The following C12orf56 variants were observed in gnomAD, a reference collection of about 807,000 sequenced individuals.
C12orf56 encodes the protein uncharacterized protein C12orf56.
A neutral mutation model predicts 69.9 loss-of-function variants in C12orf56; 71 were observed. That is an observed-to-expected ratio of 1.02 (90% confidence interval 0.84 to 1.24). C12orf56 has a LOEUF of 1.24. C12orf56 is among the 50% of genes most tolerant of loss of function. C12orf56 has a pLI of 0.00. For missense variants in C12orf56, 732 were observed against 738.5 expected (o/e 0.99, Z 0.10); for synonymous variants, 276 against 274.1 (o/e 1.01, Z -0.07).
intron 5 of C12orf56, among the ~76,000 whole-genome samples, chr12:64,308,971 G>T (rs866055963): frequency 9.3e-4 from 53 of 56,770 alleles, no homozygotes; most frequent in African/African-American, 3.3e-3. Context: ...AAGAAAGAAA[G>T]AAAAGAAAGA....
chr12:64,379,442 G>A (rs1053152513), intron 1 of C12orf56, among the ~76,000 whole-genome samples: 3 of 151,788 alleles, frequency 2.0e-5, no homozygotes, highest in Non-Finnish European at 2.9e-5. Context: ...CCGCCACCAT[G>A]CCCGGCTATT....
At chr12:64,311,753 G>A (rs572038135) in intron 5 of C12orf56, among the ~76,000 whole-genome samples, 11 of 152,294 alleles carry the variant, frequency 7.2e-5, no homozygotes, top group Middle Eastern at 3.4e-3. Flanking sequence ...TTTTTTGTAC[G>A]CTGTTTAGAC....
intron 8 of C12orf56, among the ~76,000 whole-genome samples, chr12:64,278,703 T>G (rs962500890): frequency 1.3e-5 from 2 of 152,186 alleles, no homozygotes; most frequent in Non-Finnish European, 2.9e-5. Flanking sequence ...AACTTCTTCC[T>G]CCTGTCTAAC....
chr12:64,370,019 A>G (rs1449286449), intron 1 of C12orf56, among the ~76,000 whole-genome samples: 3 of 151,262 alleles, frequency 2.0e-5, no homozygotes, highest in South Asian at 2.1e-4. Flanking sequence ...TAATAATCCA[A>G]ACTAGAGTGT....
chr12:64,355,514 T>C (rs1189291380), intron 1 of C12orf56, among the ~76,000 whole-genome samples: 1 of 152,172 alleles, frequency 6.6e-6, no homozygotes, highest in African/African-American at 2.4e-5. Context: ...TGTAAATTTG[T>C]GCTCAATATA....
intron 2 of C12orf56, among the ~76,000 whole-genome samples, chr12:64,333,440 AAAC>A (rs2136869291): frequency 6.6e-6 from 1 of 152,196 alleles, no homozygotes; most frequent in African/African-American, 2.4e-5. Context: ...GGAAAAAAAA[AAAC>A]AACTTTAGTG....
chr12:64,284,513 C>CA, intron 8 of C12orf56, 151 bp downstream of exon 8: 1 of 531,124 alleles, frequency 1.9e-6, no homozygotes, highest in South Asian at 3.4e-5. Context: ...ACCTGTTCAT[C>CA]ATGGAAGGAA....
rs1047523045 is a variant in C12orf56, at chr12:64,265,498, A to G, written c.*1685T>C. On this transcript the variant is annotated 3_prime_UTR_variant, in exon 13 of 13. Coordinates refer to ENST00000543942, the MANE Select transcript of C12orf56 (RefSeq NM_001170633.2). ...GTTAAATGTCTTGTCACAGGCAGAG[A>G]ATGTAAGAGCTGGAAGAGAACTTGG... 2 of 152,244 alleles carry G rather than the reference A, an allele frequency of 1.3e-5. No individual in the cohort carries two copies. The highest frequency in any genetic ancestry group is 2.9e-5 in the Non-Finnish European group (2 of 68,070). 9.4% of individuals were successfully genotyped at this position (152,244 alleles called of 1,614,324 possible). A position where few individuals can be genotyped will look rare whatever the true frequency, so the allele number is the denominator to read the frequency against.
At chr12:64,307,561 GT>G (rs2038532060) in intron 5 of C12orf56, among the ~76,000 whole-genome samples, 4 of 151,776 alleles carry the variant, frequency 2.6e-5, no homozygotes, top group South Asian at 2.1e-4. Context: ...TAGAGACAGG[GT>G]TTCACCATGT....
At position 64,328,732 on chromosome 12, in the gene C12orf56, T is replaced by TATAGATATAG. The variant is rs1555190212; in HGVS notation, c.488+2227_488+2228insCTATATCTAT. 2.1e-4 allele frequency among the ~76,000 whole-genome samples: 23 copies of TATAGATATAG among 107,186 alleles called. 1 individual carries two copies. The highest frequency in any genetic ancestry group is 7.6e-4 in the African/African-American group (23 of 30,350). 70.3% of individuals were successfully genotyped at this position (107,186 alleles called of 152,430 possible). A position where few individuals can be genotyped will look rare whatever the true frequency, so the allele number is the denominator to read the frequency against. The stretch of plus-strand genomic sequence containing the variant: ...ATATATATATATATATATATATATA[T>TATAGATATAG]ATATAGTATCACACTTTAACTTATG... On this transcript the variant is annotated intron_variant, in intron 3 of 12. Transcript: ENST00000543942.
At position 64,352,120 on chromosome 12, in the gene C12orf56, T is replaced by G. The variant is rs868753303; in HGVS notation, c.415+774A>C. 2.8e-3 allele frequency among the ~76,000 whole-genome samples: 412 copies of G among 148,442 alleles called. 3 individuals carry two copies. The highest frequency in any genetic ancestry group is 0.013 in the South Asian group (60 of 4,644). The stretch of plus-strand genomic sequence containing the variant: ...TTTTGTTTTTTTTTTTTTTTTGTTT[T>G]TTTTTTTACCAGTCAGGCTTTTGGC... On this transcript the variant is annotated intron_variant, in intron 2 of 12. Coordinates refer to ENST00000543942, the MANE Select transcript of C12orf56 (RefSeq NM_001170633.2).
At chr12:64,300,993 G>A (rs1428119012) in intron 6 of C12orf56, among the ~76,000 whole-genome samples, 12 of 152,170 alleles carry the variant, frequency 7.9e-5, no homozygotes. Flanking sequence ...CATGAGATCT[G>A]ATGGTTTAAA....
intron 1 of C12orf56, among the ~76,000 whole-genome samples, chr12:64,355,515 G>T (rs1365536607): frequency 1.3e-5 from 2 of 151,964 alleles, no homozygotes; most frequent in Non-Finnish European, 2.9e-5. Context: ...GTAAATTTGT[G>T]CTCAATATAA....
At chr12:64,306,668 C>T (rs991469355) in intron 5 of C12orf56, among the ~76,000 whole-genome samples, 6 of 152,208 alleles carry the variant, frequency 3.9e-5, no homozygotes, top group Middle Eastern at 3.4e-3. Flanking sequence ...TACTCCCAGC[C>T]GCAGGAAAGA....
intron 2 of C12orf56, among the ~76,000 whole-genome samples, chr12:64,334,952 G>C (rs2038974224): frequency 6.6e-6 from 1 of 152,178 alleles, no homozygotes; most frequent in South Asian, 2.1e-4. Context: ...TTATTCAGCA[G>C]CACTAGCCAC....
intron 6 of C12orf56, among the ~76,000 whole-genome samples, chr12:64,287,003 G>A (rs1265204653): frequency 1.3e-5 from 2 of 152,056 alleles, no homozygotes; most frequent in African/African-American, 2.4e-5. Context: ...TTGGGAGGCC[G>A]AGGTGGGCAG....
At chr12:64,389,997 G>A (rs1317732179) in intron 1 of C12orf56, among the ~76,000 whole-genome samples, 1 of 152,134 alleles carries the variant, frequency 6.6e-6, no homozygotes, top group Non-Finnish European at 1.5e-5. Flanking sequence ...CACTGACTAG[G>A]TGCTTTGTTA....
intron 2 of C12orf56, among the ~76,000 whole-genome samples, chr12:64,337,557 A>T (rs2039011906): frequency 6.6e-6 from 1 of 152,144 alleles, no homozygotes; most frequent in African/African-American, 2.4e-5. Flanking sequence ...ACACCTATCT[A>T]CCTTAAAACG....
chr12:64,356,192 A>AAAAAAAAAAAAAAAAAAAAAAAAAAC (rs2039314396), intron 1 of C12orf56, among the ~76,000 whole-genome samples: 1 of 151,828 alleles, frequency 6.6e-6, no homozygotes, highest in South Asian at 2.1e-4. Context: ...AAAAAAAAAA[A>AAAAAAAAAAAAAAAAAAAAAAAAAAC]AAAAAAACCA....
Sources: gnomAD v4.1 joint callset for allele counts (sites outside exome capture counted in the v4.1 genomes callset) on GRCh38, gnomAD v4.1.1 for gene constraint, MANE v1.5 for transcripts, NCBI Gene and HGNC (gene_info 2026-07-23, HGNC 2026-07-21) for gene names.